Variants in CPNE8 observed in about 807,000 individuals in gnomAD.
CPNE8 encodes the protein copine-8.
Under a neutral mutation model 81.5 loss-of-function variants are expected in CPNE8, and 45 were observed. The observed-to-expected ratio is 0.55, with a 90% CI of 0.44 to 0.71. The LOEUF is 0.71. CPNE8 is among the 30% of genes least tolerant of loss of function. The probability of loss-of-function intolerance (pLI) is 0.00; values close to 1 mark genes in which losing one functional copy is unlikely to be tolerated. For synonymous variants in CPNE8, 252 were observed against 226.3 expected (o/e 1.11, Z -1.02); for missense variants, 594 against 672.1 (o/e 0.88, Z 1.28).
At position 38,653,628 on chromosome 12, in the gene CPNE8, A is replaced by AAAAAAAAAAT; in HGVS notation, c.*253_*254insATTTTTTTTT. The AAAAAAAAAAT allele has an allele frequency of 3.4e-6, 1 of 294,238 alleles. No individual in the cohort carries two copies. Among genetic ancestry groups the AAAAAAAAAAT allele is most frequent in the Non-Finnish European group, 6.4e-6 (1 of 156,968 alleles). The allele number at this position is 294,238 out of a possible 1,614,324, so 18.2% of individuals were successfully genotyped here. On this transcript the variant is annotated 3_prime_UTR_variant, in exon 20 of 20. Transcript: ENST00000331366. ...TTAGCTGTTTCTGTTAAAAAAAAAA[A>AAAAAAAAAAT]GAAAGAAAGATTTAGAGAAGACATC...
chr12:38,874,546 A>G, intron 1 of CPNE8, 35 bp from the exon 2 acceptor site: 1 of 1,405,592 alleles, frequency 7.1e-7, no homozygotes, highest in Non-Finnish European at 1.0e-6. Context: ...AGCTGGATAT[A>G]AAAGCAAAAT....
chr12:38,865,750 A>T (rs992242368), intron 3 of CPNE8, among the ~76,000 whole-genome samples: 13 of 152,108 alleles, frequency 8.5e-5, no homozygotes, highest in African/African-American at 3.1e-4. Flanking sequence ...TTTTATTTTG[A>T]TAAAAAGGTA....
rs1450279820 is a variant in CPNE8 at position 38,786,091 on chromosome 12, A to G, written c.408-9790T>C. Among the ~76,000 whole-genome samples, 4 of 152,248 alleles carry G rather than the reference A, an allele frequency of 2.6e-5. No individual in the cohort carries two copies. In the East Asian group the frequency reaches 7.7e-4, roughly 29 times the overall value. ...ATAACACTAAATGCAAATAAACTAA[A>G]CCCTCCAATCAAAAGACACAGAGAG... On this transcript the variant is annotated intron_variant, in intron 6 of 19. Transcript: ENST00000331366.
At chr12:38,687,370 C>CTTTTTTTTTTTTTTTTTT (rs35643732) in intron 15 of CPNE8, among the ~76,000 whole-genome samples, 1 of 95,494 alleles carries the variant, frequency 1.0e-5, no homozygotes, top group Non-Finnish European at 2.1e-5. Flanking sequence ...AATGCCAAGA[C>CTTTTTTTTTTTTTTTTTT]TTTCTTTTTT....
In CPNE8 at chr12:38,848,556, T is replaced by C; in HGVS notation, c.290+3A>G. On this transcript the variant is annotated splice_donor_region_variant and intron_variant, in intron 4 of 19. Transcript: ENST00000331366. Reference sequence around the variant, plus strand: ...TCTAAACGCAAGTTTTAGTAGAACTTACAAGTCAAAACGAAGATTCTCTCT... The same window carrying C: ...TCTAAACGCAAGTTTTAGTAGAACTCACAAGTCAAAACGAAGATTCTCTCT... 1.3e-6 allele frequency: 2 copies of C among 1,568,970 alleles called. No homozygotes were observed. Among genetic ancestry groups the C allele is most frequent in the Non-Finnish European group, 1.7e-6 (2 of 1,166,142 alleles).
chr12:38,789,828 G>A (rs1184582973), intron 6 of CPNE8, among the ~76,000 whole-genome samples: 2 of 151,772 alleles, frequency 1.3e-5, no homozygotes, highest in East Asian at 3.9e-4. Context: ...CATAAAAATG[G>A]CAAACAGGCA....
intron 6 of CPNE8, among the ~76,000 whole-genome samples, chr12:38,794,117 G>C (rs1230032166): frequency 6.6e-6 from 1 of 152,080 alleles, no homozygotes; most frequent in Non-Finnish European, 1.5e-5. Flanking sequence ...CAGGAGGAAA[G>C]CTTCCTGAAA....
intron 18 of CPNE8, among the ~76,000 whole-genome samples, chr12:38,671,332 T>G (rs1010501395): frequency 6.6e-6 from 1 of 152,072 alleles, no homozygotes; most frequent in Admixed American, 6.6e-5. Flanking sequence ...ACAAATAGAT[T>G]TAACAACAGA....
intron 6 of CPNE8, among the ~76,000 whole-genome samples, chr12:38,800,502 T>C (rs1398158030): frequency 3.7e-5 from 1 of 27,066 alleles, no homozygotes; most frequent in African/African-American, 7.4e-5. Flanking sequence ...CAAAAACCCA[T>C]CTGTACATCA....
chr12:38,703,285 T>C (rs1027680836), intron 13 of CPNE8, among the ~76,000 whole-genome samples: 2 of 152,194 alleles, frequency 1.3e-5, no homozygotes, highest in Admixed American at 6.6e-5. Flanking sequence ...AAAATTGTTC[T>C]GTAGTAATCG....
intron 6 of CPNE8, among the ~76,000 whole-genome samples, chr12:38,789,051 C>A (rs761484960): frequency 3.3e-5 from 5 of 151,872 alleles, no homozygotes; most frequent in Non-Finnish European, 7.4e-5. Context: ...AGTTTCAATG[C>A]AATCCTTATC....
intron 6 of CPNE8, among the ~76,000 whole-genome samples, chr12:38,828,652 T>A (rs1194128378): frequency 6.6e-6 from 1 of 152,180 alleles, no homozygotes; most frequent in Non-Finnish European, 1.5e-5. Context: ...ACTTCAAAAT[T>A]CCCTAAAGCT....
At chr12:38,679,642 C>A (rs1939368584) in intron 16 of CPNE8, 1 of 984,986 alleles carries the variant, frequency 1.0e-6, no homozygotes, top group Admixed American at 6.2e-5. Flanking sequence ...ACAAATTAAT[C>A]TTTTAAAACC....
intron 16 of CPNE8, among the ~76,000 whole-genome samples, chr12:38,681,796 T>C (rs1939414424): frequency 1.3e-5 from 2 of 152,354 alleles, no homozygotes; most frequent in Admixed American, 1.3e-4. Flanking sequence ...TATATCTCTA[T>C]ATTTTATCTA....
intron 6 of CPNE8, among the ~76,000 whole-genome samples, chr12:38,795,671 T>C (rs1326376075): frequency 1.3e-5 from 2 of 152,002 alleles, no homozygotes; most frequent in Non-Finnish European, 2.9e-5. Context: ...AGTAATCAAA[T>C]TTATAGAAAG....
chr12:38,894,454 C>T (rs1413700123), intron 1 of CPNE8, among the ~76,000 whole-genome samples: 1 of 151,956 alleles, frequency 6.6e-6, no homozygotes, highest in Non-Finnish European at 1.5e-5. Context: ...TGGATGAAAC[C>T]ACTGGCATAA....
At chr12:38,789,395 C>T (rs897632846) in intron 6 of CPNE8, among the ~76,000 whole-genome samples, 8 of 151,760 alleles carry the variant, frequency 5.3e-5, no homozygotes, top group African/African-American at 1.9e-4. Context: ...AACTCTATAT[C>T]CATATGCAAA....
In CPNE8 at chr12:38,809,637, A is replaced by G. The variant is rs144853545; in HGVS notation, c.407+19742T>C. Among the ~76,000 whole-genome samples the G allele has an allele frequency of 4.6e-5, 7 of 152,296 alleles. No individual in the cohort carries two copies. In the East Asian group the frequency reaches 7.7e-4, roughly 17 times the overall value. On this transcript the variant is annotated intron_variant, in intron 6 of 19. Coordinates refer to ENST00000331366, the MANE Select transcript of CPNE8 (RefSeq NM_153634.3). The stretch of plus-strand genomic sequence containing the variant: ...GGCCTTCATGATCCATGGTCCTCCC[A>G]TATAAAAACACATTCACTCCCTGCC...
At chr12:38,726,329 A>T (rs1332918598) in intron 11 of CPNE8, 1 of 152,164 alleles carries the variant, frequency 6.6e-6, no homozygotes, top group Non-Finnish European at 1.5e-5. Flanking sequence ...TTAAGTAGAA[A>T]ATCTAAAGGA....
Sources: gnomAD v4.1 joint callset for allele counts (sites outside exome capture counted in the v4.1 genomes callset) on GRCh38, gnomAD v4.1.1 for gene constraint, MANE v1.5 for transcripts, NCBI Gene and HGNC (gene_info 2026-07-23, HGNC 2026-07-21) for gene names.